The following PPP6R3 variants were observed in gnomAD, a reference collection of about 807,000 sequenced individuals.
The protein encoded by PPP6R3 is serine/threonine-protein phosphatase 6 regulatory subunit 3.
A neutral mutation model predicts 110.7 loss-of-function variants in PPP6R3; 38 were observed. That is an observed-to-expected ratio of 0.34 (90% confidence interval 0.26 to 0.45). PPP6R3 has a LOEUF of 0.45. Ranked by LOEUF, PPP6R3 falls within the 20% of genes least tolerant of loss-of-function variation. PPP6R3 has a pLI of 1.00. For synonymous variants in PPP6R3, 369 were observed against 373.5 expected (o/e 0.99, Z 0.14); for missense variants, 870 against 1,062.4 (o/e 0.82, Z 2.52).
chr11:68,521,057 C>T (rs2099162078), intron 2 of PPP6R3, among the ~76,000 whole-genome samples: 1 of 152,182 alleles, frequency 6.6e-6, no homozygotes, highest in Non-Finnish European at 1.5e-5. Flanking sequence ...CAGGCGTGAG[C>T]CACCGCGTCC....
intron 11 of PPP6R3, among the ~76,000 whole-genome samples, chr11:68,570,793 AGTTAACTG>A (rs1277176967): frequency 1.3e-5 from 2 of 152,190 alleles, no homozygotes; most frequent in African/African-American, 4.8e-5. Context: ...AACTATAGGT[AGTTAACTG>A]CACTACCTAT....
intron 2 of PPP6R3, among the ~76,000 whole-genome samples, chr11:68,529,019 A>G (rs1331892355): frequency 6.6e-6 from 1 of 152,200 alleles, no homozygotes; most frequent in Non-Finnish European, 1.5e-5. Context: ...TCTGCCGCTT[A>G]TGGAATAATC....
intron 1 of PPP6R3, among the ~76,000 whole-genome samples, chr11:68,481,159 AT>A (rs1265318853): frequency 6.6e-6 from 1 of 152,242 alleles, no homozygotes; most frequent in East Asian, 1.9e-4. Context: ...ACATAAAAAA[AT>A]ATTAAAAGCC....
intron 15 of PPP6R3, among the ~76,000 whole-genome samples, chr11:68,584,766 A>G (rs2099572976): frequency 6.6e-6 from 1 of 152,232 alleles, no homozygotes; most frequent in Non-Finnish European, 1.5e-5. Flanking sequence ...CCAAGCTCTT[A>G]GCTTGCAGAA....
At position 68,558,607 on chromosome 11, in the gene PPP6R3, A is replaced by G; in HGVS notation, c.773A>G (p.Lys258Arg). The change falls in exon 8 of 24, where the codon AAG becomes AGG. Residue 258 changes from lysine to arginine, a missense_variant. By Grantham distance (26) the Lys-to-Arg change is conservative. Transcript: ENST00000393800. ...CAGCTTCTATCAAATATTTTCCACA[A>G]GGAGAAAAATGAGTCAGCCATAGTC... ...IEQLLSNIFH[K>R]EKNESAIVSA... The G allele has an allele frequency of 9.9e-6, 16 of 1,613,424 alleles. No homozygotes were observed. The highest frequency in any genetic ancestry group is 2.2e-5 in the East Asian group (1 of 44,840).
chr11:68,522,600 G>A (rs917066094), intron 2 of PPP6R3: 2 of 152,250 alleles, frequency 1.3e-5, no homozygotes, highest in African/African-American at 2.4e-5. Context: ...ATGAGTGCAT[G>A]AAGTTTACTG....
intron 3 of PPP6R3, among the ~76,000 whole-genome samples, chr11:68,544,404 C>A (rs2099337904): frequency 6.6e-6 from 1 of 152,188 alleles, no homozygotes; most frequent in African/African-American, 2.4e-5. Flanking sequence ...TAAGTCATTA[C>A]AAGGTGCTGC....
chr11:68,477,741 A>AAAT, intron 1 of PPP6R3, among the ~76,000 whole-genome samples: 52 of 57,908 alleles, frequency 9.0e-4, no homozygotes, highest in East Asian at 1.8e-3. Context: ...AAAAAAAAAA[A>AAAT]ATATATATAT....
At chr11:68,530,706 G>T (rs1225070911) in intron 2 of PPP6R3, among the ~76,000 whole-genome samples, 4 of 152,186 alleles carry the variant, frequency 2.6e-5, no homozygotes, top group Admixed American at 6.5e-5. Context: ...TCCTGTTTGG[G>T]TTCTGTCTTG....
intron 1 of PPP6R3, among the ~76,000 whole-genome samples, chr11:68,476,375 A>G (rs1243384814): frequency 1.4e-5 from 2 of 148,126 alleles, no homozygotes; most frequent in East Asian, 4.2e-4. Flanking sequence ...AGGCAGGAGA[A>G]TCAGGCAGGG....
At chr11:68,542,363 C>T (rs1030069470) in intron 3 of PPP6R3, among the ~76,000 whole-genome samples, 1 of 120,938 alleles carries the variant, frequency 8.3e-6, no homozygotes, top group Non-Finnish European at 1.7e-5. Flanking sequence ...GGAGTGGAGG[C>T]ATCTTTGGGT....
In PPP6R3 at chr11:68,583,117, T is replaced by C; in HGVS notation, c.1620T>C (p.Ser540=). The C allele has an allele frequency of 1.3e-6, 2 of 1,541,882 alleles. No homozygotes were observed. The highest frequency in any genetic ancestry group is 1.8e-6 in the Non-Finnish European group (2 of 1,139,910). The change falls in exon 15 of 24, where the codon TCT becomes TCC. Residue 540 remains serine, a synonymous_variant. Coordinates refer to ENST00000393800, the MANE Select transcript of PPP6R3 (RefSeq NM_001164161.2). ...DFKETGFSQD[S]SLQQAFSDYQ... The stretch of plus-strand genomic sequence containing the variant: ...AAGAAACGGGTTTCTCACAGGATTC[T>C]TCTTTGCAGCAAGTGAGTCACGCCT...
intron 7 of PPP6R3, among the ~76,000 whole-genome samples, chr11:68,555,577 T>A (rs987638734): frequency 1.3e-5 from 2 of 152,208 alleles, no homozygotes; most frequent in Non-Finnish European, 2.9e-5. Context: ...GACTGCTTAG[T>A]AGTCATTGCT....
chr11:68,546,422 T>G (rs758404372), intron 4 of PPP6R3, among the ~76,000 whole-genome samples: 6 of 152,156 alleles, frequency 3.9e-5, no homozygotes, highest in Non-Finnish European at 8.8e-5. Context: ...AGTGTACACA[T>G]AAAGAGAGAG....
chr11:68,497,164 A>C (rs1315599073), intron 1 of PPP6R3, among the ~76,000 whole-genome samples: 1 of 150,734 alleles, frequency 6.6e-6, no homozygotes, highest in Non-Finnish European at 1.5e-5. Flanking sequence ...CTCCTGCCTC[A>C]GCCTCCCGAG....
chr11:68,543,120 C>T (rs1321887551), intron 3 of PPP6R3, among the ~76,000 whole-genome samples: 1 of 152,214 alleles, frequency 6.6e-6, no homozygotes, highest in Non-Finnish European at 1.5e-5. Flanking sequence ...TTACTCCCCT[C>T]CTCCATAAGA....
At chr11:68,606,874 C>T (rs541689409) in intron 22 of PPP6R3, among the ~76,000 whole-genome samples, 1 of 152,250 alleles carries the variant, frequency 6.6e-6, no homozygotes, top group East Asian at 1.9e-4. Context: ...AAACTTGTAA[C>T]TAATAAGAAT....
intron 23 of PPP6R3, 106 bp from the exon 24 acceptor site, chr11:68,612,960 C>T: frequency 1.9e-6 from 3 of 1,559,162 alleles, no homozygotes; most frequent in Non-Finnish European, 2.6e-6. Flanking sequence ...AAGTTCAAAA[C>T]AATGTTAAAA....
In PPP6R3 at chr11:68,587,970, T is replaced by C; in HGVS notation, c.1676T>C (p.Ile559Thr). The change falls in exon 16 of 24, where the codon ATT (isoleucine) becomes ACT (threonine). Residue 559 changes from isoleucine to threonine, a missense_variant. Coordinates refer to ENST00000393800, the MANE Select transcript of PPP6R3 (RefSeq NM_001164161.2). ...YQMQQMTSNF[I>T]DQFGFNDEKF... ...ATGCAACAAATGACGTCCAATTTTA[T>C]TGACCAGTTTGGCTTCAACGATGAG... 1 of 1,614,238 alleles carries C rather than the reference T, an allele frequency of 6.2e-7. No individual in the cohort carries two copies. The highest frequency in any genetic ancestry group is 8.5e-7 in the Non-Finnish European group (1 of 1,180,042).
Sources: gnomAD v4.1 joint callset for allele counts (sites outside exome capture counted in the v4.1 genomes callset) on GRCh38, gnomAD v4.1.1 for gene constraint, MANE v1.5 for transcripts, NCBI Gene and HGNC (gene_info 2026-07-23, HGNC 2026-07-21) for gene names.